The following PIK3R4 variants were observed in gnomAD, a reference collection of about 807,000 sequenced individuals.
PIK3R4 encodes the protein phosphoinositide-3-kinase regulatory subunit 4.
Under a neutral mutation model 136.5 loss-of-function variants are expected in PIK3R4, and 46 were observed. The observed-to-expected ratio is 0.34, with a 90% CI of 0.27 to 0.43. The LOEUF is 0.43. Among genes scored for constraint, PIK3R4 ranks in the 20% least tolerant of loss-of-function variants. The probability of loss-of-function intolerance (pLI) is 1.00; values close to 1 mark genes in which losing one functional copy is unlikely to be tolerated. For synonymous variants in PIK3R4, 557 were observed against 566.7 expected (o/e 0.98, Z 0.24); for missense variants, 1,331 against 1,649.5 (o/e 0.81, Z 3.35).
In PIK3R4 at chr3:130,733,927, G is replaced by C. The variant is rs375140846; in HGVS notation, c.1071C>G (p.Leu357=). 9 of 1,614,034 alleles carry C rather than the reference G, an allele frequency of 5.6e-6. No homozygotes were observed. Among genetic ancestry groups the C allele is most frequent in the Non-Finnish European group, 7.6e-6 (9 of 1,180,008 alleles). ...RKDLGNIIHN[L]CGHDLPEKAE... ...CTTTTTCTGGCAGATCATGTCCACA[G>C]AGATTGTGAATAATGTTGCCCAAAT... The change falls in exon 4 of 20, where the codon CTC becomes CTG. Residue 357 remains leucine (L), a synonymous_variant. Coordinates refer to ENST00000356763, the MANE Select transcript of PIK3R4 (RefSeq NM_014602.3).
At chr3:130,738,173 A>G (rs184568023) in intron 2 of PIK3R4, among the ~76,000 whole-genome samples, 1 of 147,796 alleles carries the variant, frequency 6.8e-6, no homozygotes, top group East Asian at 1.9e-4. Context: ...AAAACACCAT[A>G]AGCAACAAGG....
At chr3:130,693,908 G>T (rs2066532722) in intron 13 of PIK3R4, among the ~76,000 whole-genome samples, 1 of 151,978 alleles carries the variant, frequency 6.6e-6, no homozygotes, top group African/African-American at 2.4e-5. Flanking sequence ...TATGGTTTTA[G>T]TTCTTACATT....
intron 1 of PIK3R4, 122 bp downstream of exon 1, chr3:130,746,196 A>G (rs1210234660): frequency 6.6e-6 from 1 of 152,212 alleles, no homozygotes; most frequent in Non-Finnish European, 1.5e-5. Context: ...ACAGATGTTA[A>G]AGAAAAGCAG....
intron 13 of PIK3R4, among the ~76,000 whole-genome samples, chr3:130,702,454 C>A (rs151035763): frequency 6.6e-6 from 1 of 152,004 alleles, no homozygotes; most frequent in African/African-American, 2.4e-5. Flanking sequence ...TAGAGCTAAT[C>A]GGCACAAAAT....
chr3:130,737,838 A>G (rs1452988032), intron 2 of PIK3R4, among the ~76,000 whole-genome samples: 1 of 152,234 alleles, frequency 6.6e-6, no homozygotes, highest in Non-Finnish European at 1.5e-5. Context: ...TTTATTGAAT[A>G]CTGAACTGAA....
intron 9 of PIK3R4, among the ~76,000 whole-genome samples, chr3:130,711,253 T>A (rs1444530517): frequency 1.3e-5 from 2 of 151,848 alleles, no homozygotes; most frequent in Non-Finnish European, 2.9e-5. Context: ...AGACACACAC[T>A]TTTCAGGCAT....
chr3:130,727,209 A>G (rs2066736652), intron 6 of PIK3R4, among the ~76,000 whole-genome samples: 1 of 151,832 alleles, frequency 6.6e-6, no homozygotes, highest in African/African-American at 2.4e-5. Context: ...ATTATTGGGA[A>G]CCAAAACTTA....
chr3:130,694,602 A>C (rs902843644), intron 13 of PIK3R4, among the ~76,000 whole-genome samples: 1 of 152,124 alleles, frequency 6.6e-6, no homozygotes, highest in Non-Finnish European at 1.5e-5. Context: ...AAGAAATGCA[A>C]GTGATTTTTA....
At chr3:130,726,958 G>A (rs2066735132) in intron 6 of PIK3R4, among the ~76,000 whole-genome samples, 2 of 152,018 alleles carry the variant, frequency 1.3e-5, no homozygotes, top group Non-Finnish European at 2.9e-5. Context: ...GTCCTAGATG[G>A]AAGGCTAAGA....
intron 11 of PIK3R4, 143 bp downstream of exon 11, chr3:130,706,805 C>T: frequency 4.0e-6 from 2 of 504,164 alleles, no homozygotes; most frequent in South Asian, 5.6e-5. Flanking sequence ...AAAGATAAAC[C>T]TGTCTTAGAA....
In PIK3R4 at chr3:130,679,283, T is replaced by TAAC. The variant is rs1553726385; in HGVS notation, c.*29_*31dup. On this transcript the variant is annotated 3_prime_UTR_variant, in exon 20 of 20. Coordinates refer to ENST00000356763, the MANE Select transcript of PIK3R4 (RefSeq NM_014602.3). ...TTCTCGAGTTATAGTATTATATTTA[T>TAAC]AACTATTAAAATTTATACAAATCAG... 2.5e-5 allele frequency: 34 copies of TAAC among 1,366,928 alleles called. No homozygotes were observed. The highest frequency in any genetic ancestry group is 8.8e-5 in the African/African-American group (6 of 67,874). 84.7% of individuals were successfully genotyped at this position (1,366,928 alleles called of 1,614,324 possible).
chr3:130,739,455 T>C (rs763609350), intron 2 of PIK3R4, among the ~76,000 whole-genome samples: 1 of 152,166 alleles, frequency 6.6e-6, no homozygotes, highest in Non-Finnish European at 1.5e-5. Flanking sequence ...CACTGTAGCC[T>C]GGACCTCCTG....
At chr3:130,708,270 C>T in intron 10 of PIK3R4, 21 bp downstream of exon 10, 1 of 1,585,790 alleles carries the variant, frequency 6.3e-7, no homozygotes, top group African/African-American at 1.3e-5. Flanking sequence ...AAGCTACACA[C>T]ACACAAACAA....
intron 11 of PIK3R4, among the ~76,000 whole-genome samples, chr3:130,706,489 A>G (rs1486598275): frequency 6.6e-6 from 1 of 152,240 alleles, no homozygotes; most frequent in Non-Finnish European, 1.5e-5. Context: ...ATATAAACTC[A>G]CAAAATCCTA....
At chr3:130,721,310 C>T (rs1299025658) in intron 7 of PIK3R4, among the ~76,000 whole-genome samples, 3 of 148,754 alleles carry the variant, frequency 2.0e-5, no homozygotes, top group Admixed American at 6.7e-5. Context: ...GCAGTCCAGC[C>T]TGGGTGAAAG....
At chr3:130,712,560 CA>C (rs1196108780) in intron 9 of PIK3R4, among the ~76,000 whole-genome samples, 1 of 151,810 alleles carries the variant, frequency 6.6e-6, no homozygotes, top group Non-Finnish European at 1.5e-5. Context: ...ACCAGCTACT[CA>C]GGGGGCTGAG....
At position 130,744,739 on chromosome 3, in the gene PIK3R4, A is replaced by G. The variant is rs759146568; in HGVS notation, c.480T>C (p.Asn160=). The change falls in exon 2 of 20, where the codon AAT becomes AAC. Residue 160 remains asparagine, a synonymous_variant. Coordinates refer to ENST00000356763, the MANE Select transcript of PIK3R4 (RefSeq NM_014602.3). ...TGGCAAAATCAGTTAGAAGAACCCA[A>G]TTCCAACTGGTGACCATCACATTCT... is the stretch of plus-strand genomic sequence containing the variant. ...KTENVMVTSW[N]WVLLTDFASF... 2.5e-6 allele frequency: 4 copies of G among 1,614,106 alleles called. No individual in the cohort carries two copies. The highest frequency in any genetic ancestry group is 1.3e-5 in the African/African-American group (1 of 74,940).
At chr3:130,680,060 C>CAAAAAA (rs1163413860) in intron 19 of PIK3R4, among the ~76,000 whole-genome samples, 1 of 65,580 alleles carries the variant, frequency 1.5e-5, no homozygotes, top group Admixed American at 1.5e-4. Context: ...GACTCCATCT[C>CAAAAAA]AAAAAAAAAA....
intron 3 of PIK3R4, among the ~76,000 whole-genome samples, chr3:130,735,284 T>C (rs1284943953): frequency 2.0e-5 from 3 of 152,178 alleles, no homozygotes; most frequent in Non-Finnish European, 4.4e-5. Context: ...ACAATATCAG[T>C]TACCCTATAA....
Sources: allele counts gnomAD v4.1 joint callset (sites outside exome capture counted in the v4.1 genomes callset), GRCh38; gene constraint gnomAD v4.1.1; transcripts MANE v1.5; gene names NCBI Gene and HGNC (gene_info 2026-07-23, HGNC 2026-07-21).